TMEM178B: variants seen among roughly 807,000 people sequenced by gnomAD.
TMEM178B encodes transmembrane protein 178B.
In TMEM178B, 5 loss-of-function variants were observed where a neutral mutation model predicts 31.0. That is an observed-to-expected ratio of 0.16 (90% CI 0.08 to 0.34). The LOEUF (loss-of-function observed/expected upper bound fraction) is 0.34. TMEM178B is among the 10% of genes least tolerant of loss of function. The pLI is 1.00. For synonymous variants in TMEM178B, 164 were observed against 164.0 expected (o/e 1.00, Z 0.00); for missense variants, 275 against 400.3 (o/e 0.69, Z 2.67).
intron 2 of TMEM178B, among the ~76,000 whole-genome samples, chr7:141,219,428 C>T (rs1291497476): frequency 6.6e-6 from 1 of 152,216 alleles, no homozygotes; most frequent in East Asian, 1.9e-4. Context: ...GAGGCTCTTA[C>T]TGTTTGCGAT....
chr7:141,384,899 T>G (rs143015617), intron 2 of TMEM178B, among the ~76,000 whole-genome samples: 4 of 152,268 alleles, frequency 2.6e-5, no homozygotes, highest in African/African-American at 9.6e-5. Flanking sequence ...ATCTAGTATT[T>G]TGATATTCTA....
intron 1 of TMEM178B, among the ~76,000 whole-genome samples, chr7:141,134,589 A>C (rs1046541563): frequency 6.6e-5 from 10 of 152,222 alleles, no homozygotes; most frequent in Non-Finnish European, 1.3e-4. Flanking sequence ...ACCAAACTGC[A>C]ATGATAAACA....
At chr7:141,360,255 G>C (rs1799894689) in intron 2 of TMEM178B, among the ~76,000 whole-genome samples, 1 of 152,204 alleles carries the variant, frequency 6.6e-6, no homozygotes, top group African/African-American at 2.4e-5. Flanking sequence ...GGAAGATAGG[G>C]ATGGCAGGTT....
At position 141,105,668 on chromosome 7, in the gene TMEM178B, A is replaced by G. The variant is rs181543710; in HGVS notation, c.382+30976A>G. On this transcript the variant is annotated intron_variant, in intron 1 of 3. Transcript: ENST00000565468. The stretch of plus-strand genomic sequence containing the variant: ...CCAAGTTCGAGCTGCTAAAGATGTT[A>G]GGGGAAAACCTAAAATGCTCTAAAT... Among the ~76,000 whole-genome samples, 3 of 152,356 alleles carry G rather than the reference A, an allele frequency of 2.0e-5. No individual in the cohort carries two copies. In the East Asian group the frequency reaches 5.8e-4, roughly 29 times the overall value.
intron 2 of TMEM178B, among the ~76,000 whole-genome samples, chr7:141,313,386 TTAGGCTCTC>T (rs1212429984): frequency 3.9e-5 from 6 of 152,152 alleles, no homozygotes; most frequent in Non-Finnish European, 7.4e-5. Context: ...TCCTTGGAAG[TTAGGCTCTC>T]TCTTGCTCTC....
intron 2 of TMEM178B, among the ~76,000 whole-genome samples, chr7:141,426,718 CAT>C (rs1200320332): frequency 6.6e-6 from 1 of 152,034 alleles, no homozygotes; most frequent in Non-Finnish European, 1.5e-5. Flanking sequence ...TTCATGGAAA[CAT>C]AAAAACTATC....
At chr7:141,452,157 C>G (rs1801876756) in intron 3 of TMEM178B, among the ~76,000 whole-genome samples, 1 of 152,226 alleles carries the variant, frequency 6.6e-6, no homozygotes, top group African/African-American at 2.4e-5. Flanking sequence ...TGATGATTAT[C>G]TCTGCACAAA....
chr7:141,510,737 A>G, the TMEM178B span, among the ~76,000 whole-genome samples: 492 of 148,550 alleles, frequency 3.3e-3, 2 homozygotes, highest in African/African-American at 0.012. Context: ...GAGCTCAGAA[A>G]GTGCTTGGTG....
At chr7:141,161,821 G>GTGAGTGTTGA (rs1796177610) in intron 1 of TMEM178B, among the ~76,000 whole-genome samples, 3 of 151,922 alleles carry the variant, frequency 2.0e-5, no homozygotes, top group Non-Finnish European at 2.9e-5. Flanking sequence ...AGTTTGTGAG[G>GTGAGTGTTGA]GTGGTGAGTG....
At position 141,333,997 on chromosome 7, in the gene TMEM178B, CAG is replaced by C. The variant is rs752604636; in HGVS notation, c.497-103610_497-103609del. Among the ~76,000 whole-genome samples the C allele has an allele frequency of 1.6e-4, 24 of 152,226 alleles. 1 individual carries two copies. The highest frequency in any genetic ancestry group is 8.3e-4 in the South Asian group (4 of 4,834). ...TTCTGCTGTGGGGCCCGCTTCCTAA[CAG>C]GGGGAACCCCTGCTCTAAGGGCCCA... On this transcript the variant is annotated intron_variant, in intron 2 of 3. Transcript: ENST00000565468.
intron 2 of TMEM178B, among the ~76,000 whole-genome samples, chr7:141,278,505 C>T (rs1798303216): frequency 6.6e-6 from 1 of 151,750 alleles, no homozygotes; most frequent in African/African-American, 2.4e-5. Context: ...ATTGCTTGAA[C>T]TCGGGAGGCG....
intron 2 of TMEM178B, among the ~76,000 whole-genome samples, chr7:141,263,831 T>TTTCCATAG (rs1586858041): frequency 1.3e-5 from 2 of 152,238 alleles, no homozygotes; most frequent in African/African-American, 4.8e-5. Flanking sequence ...CCACTTTTAC[T>TTTCCATAG]TTCCATAGTT....
chr7:141,272,585 G>C (rs774873527), intron 2 of TMEM178B, among the ~76,000 whole-genome samples: 30 of 152,202 alleles, frequency 2.0e-4, no homozygotes, highest in Admixed American at 5.2e-4. Context: ...TTCCACCAGA[G>C]GTCCTGAGAG....
At chr7:141,495,890 G>T in the TMEM178B span, among the ~76,000 whole-genome samples, 1 of 152,174 alleles carries the variant, frequency 6.6e-6, no homozygotes, top group African/African-American at 2.4e-5. Flanking sequence ...GTTGAGAGTC[G>T]CCCTGGACTG....
At chr7:141,104,812 G>A (rs903314634) in intron 1 of TMEM178B, among the ~76,000 whole-genome samples, 1 of 152,042 alleles carries the variant, frequency 6.6e-6, no homozygotes, top group African/African-American at 2.4e-5. Context: ...CCTCTTATAA[G>A]GACACCAGTT....
chr7:141,227,453 C>G (rs559478869), intron 2 of TMEM178B, among the ~76,000 whole-genome samples: 1 of 152,150 alleles, frequency 6.6e-6, no homozygotes, highest in Non-Finnish European at 1.5e-5. Context: ...GCCTGACATA[C>G]CTTATTCACT....
At chr7:141,319,329 C>A (rs573623074) in intron 2 of TMEM178B, among the ~76,000 whole-genome samples, 1 of 152,240 alleles carries the variant, frequency 6.6e-6, no homozygotes, top group Non-Finnish European at 1.5e-5. Flanking sequence ...CTCCTGCCTT[C>A]AACAGGCTTA....
chr7:141,204,828 CT>C (rs1014913054), intron 1 of TMEM178B, among the ~76,000 whole-genome samples: 12 of 152,036 alleles, frequency 7.9e-5, no homozygotes, highest in African/African-American at 2.2e-4. Flanking sequence ...TGGCTTCTGA[CT>C]TTTTTTTAAG....
At chr7:141,290,851 G>A (rs992855342) in intron 2 of TMEM178B, among the ~76,000 whole-genome samples, 10 of 152,172 alleles carry the variant, frequency 6.6e-5, no homozygotes, top group Middle Eastern at 3.2e-3. Flanking sequence ...CAGAGATGAT[G>A]GCTGGGAATA....
Sources: allele counts gnomAD v4.1 joint callset (sites outside exome capture counted in the v4.1 genomes callset), GRCh38; gene constraint gnomAD v4.1.1; transcripts MANE v1.5; gene names NCBI Gene and HGNC (gene_info 2026-07-23, HGNC 2026-07-21).